IDE: variants seen among roughly 807,000 people sequenced by gnomAD.
IDE encodes the protein insulin degrading enzyme.
A neutral mutation model predicts 133.2 loss-of-function variants in IDE; 58 were observed. That is an observed-to-expected ratio of 0.44 (90% CI 0.35 to 0.54). The LOEUF is 0.54. Among genes scored for constraint, IDE ranks in the 20% least tolerant of loss-of-function variants. The pLI is 0.00. For missense variants in IDE, 981 were observed against 1,234.0 expected, an observed-to-expected ratio of 0.79 and a Z score of 3.07; for synonymous variants, 396 against 421.3, an observed-to-expected ratio of 0.94 and a Z score of 0.73.
intron 18 of IDE, 67 bp from the exon 19 acceptor site, chr10:92,469,057 G>T: frequency 1.1e-6 from 1 of 884,554 alleles, no homozygotes; most frequent in Non-Finnish European, 1.9e-6. Context: ...GAAATAAACT[G>T]GCTTTGTTTA....
chr10:92,573,511 G>T (rs1355661926), intron 1 of IDE, among the ~76,000 whole-genome samples: 1 of 152,230 alleles, frequency 6.6e-6, no homozygotes, highest in Non-Finnish European at 1.5e-5. Context: ...GAAGTCGCCG[G>T]ATTCCTTTAC....
At chr10:92,465,897 T>C in intron 19 of IDE, 54 bp from the exon 20 acceptor site, 2 of 1,466,164 alleles carry the variant, frequency 1.4e-6, no homozygotes, top group East Asian at 4.5e-5. Context: ...TGGGGTTTAA[T>C]AAAGTCAATG....
At chr10:92,525,895 A>C (rs1453929243) in intron 4 of IDE, among the ~76,000 whole-genome samples, 5 of 151,994 alleles carry the variant, frequency 3.3e-5, no homozygotes, top group African/African-American at 1.2e-4. Flanking sequence ...AGTGGCTCAC[A>C]CCTCTAATCC....
chr10:92,455,480 C>A, intron 24 of IDE, 96 bp downstream of exon 24: 1 of 807,176 alleles, frequency 1.2e-6, no homozygotes, highest in South Asian at 1.5e-5. Context: ...GACTCCATTT[C>A]AAAAACAAAA....
chr10:92,508,240 G>T, intron 7 of IDE, 35 bp from the exon 8 acceptor site: 7 of 1,467,512 alleles, frequency 4.8e-6, no homozygotes, highest in East Asian at 2.3e-5. Flanking sequence ...ACGATTGATT[G>T]CATATGTGGC....
At chr10:92,556,266 G>C (rs1564677382) in intron 1 of IDE, among the ~76,000 whole-genome samples, 3 of 148,100 alleles carry the variant, frequency 2.0e-5, no homozygotes. Flanking sequence ...AATATCAATT[G>C]TATTTCCATA....
At chr10:92,535,062 G>A (rs564244276) in intron 2 of IDE, among the ~76,000 whole-genome samples, 8 of 152,226 alleles carry the variant, frequency 5.3e-5, no homozygotes, top group Non-Finnish European at 1.0e-4. Flanking sequence ...GGAAGAAAGA[G>A]CTGGATTCAC....
chr10:92,555,089 A>G (rs556015139), intron 1 of IDE, among the ~76,000 whole-genome samples: 1 of 152,190 alleles, frequency 6.6e-6, no homozygotes, highest in African/African-American at 2.4e-5. Context: ...TCAGCAGTGA[A>G]AAGCTGAAAG....
chr10:92,461,854 C>T (rs7093437), intron 21 of IDE, among the ~76,000 whole-genome samples: 20,644 of 151,628 alleles, frequency 0.14, 1,833 homozygotes, highest in African/African-American at 0.24. Context: ...TTTTTATATT[C>T]TTAGTAGATA....
In IDE at chr10:92,470,284, T is replaced by C. The variant is rs1271957084; in HGVS notation, c.2178A>G (p.Glu726=). ...IPQLLSRLHI[E]ALLHGNITKQ... is the part of the protein sequence containing the mutation. ...TTGTTATGTTTCCATGGAGAAGGGC[T>C]TCAATGTGCAGCCGTGACAGGAGCT... The change falls in exon 18 of 25, where the codon GAA becomes GAG. Residue 726 remains glutamate (E), a synonymous_variant. Transcript: ENST00000265986. 1 of 1,605,700 alleles carries C rather than the reference T, an allele frequency of 6.2e-7. No homozygotes were observed. Among genetic ancestry groups the C allele is most frequent in the Non-Finnish European group, 8.5e-7 (1 of 1,175,636 alleles).
chr10:92,491,852 C>T (rs1301358347), intron 11 of IDE, among the ~76,000 whole-genome samples: 3 of 151,358 alleles, frequency 2.0e-5, no homozygotes, highest in Non-Finnish European at 2.9e-5. Flanking sequence ...CTCAGGTGAT[C>T]CGCCTGCCTC....
At chr10:92,556,070 G>A (rs1036651695) in intron 1 of IDE, among the ~76,000 whole-genome samples, 3 of 150,716 alleles carry the variant, frequency 2.0e-5, no homozygotes, top group Non-Finnish European at 4.4e-5. Context: ...CTACTCGGGA[G>A]GCTGAGGCAG....
At chr10:92,535,203 A>G (rs1478095365) in intron 2 of IDE, among the ~76,000 whole-genome samples, 1 of 152,132 alleles carries the variant, frequency 6.6e-6, no homozygotes, top group Non-Finnish European at 1.5e-5. Context: ...TCCTGGGTTC[A>G]CGCCATTCTC....
At chr10:92,573,046 G>C (rs1354282275) in intron 1 of IDE, 27 of 985,246 alleles carry the variant, frequency 2.7e-5, no homozygotes, top group Non-Finnish European at 3.1e-5. Flanking sequence ...GGCTATTACT[G>C]ATTAAAACCA....
intron 11 of IDE, among the ~76,000 whole-genome samples, chr10:92,492,138 T>C (rs1769671047): frequency 6.6e-6 from 1 of 151,572 alleles, no homozygotes; most frequent in Non-Finnish European, 1.5e-5. Flanking sequence ...CGGGTGCCTA[T>C]AGTACCAGCT....
At chr10:92,493,083 A>T (rs1421816172) in intron 11 of IDE, among the ~76,000 whole-genome samples, 1 of 152,252 alleles carries the variant, frequency 6.6e-6, no homozygotes, top group Non-Finnish European at 1.5e-5. Flanking sequence ...GATTTGACAG[A>T]TAAAAGAGTT....
rs984149220 is a variant in IDE, at chr10:92,452,050, T to C, written c.*2394A>G. On this transcript the variant is annotated 3_prime_UTR_variant, in exon 25 of 25. Transcript: ENST00000265986. ...GTGATCTATTCTTAAGGTTGTGAAA[T>C]TGAGTCTTCTATTTGACAAAAATCA... The C allele has an allele frequency of 6.6e-6, 1 of 152,190 alleles. No homozygotes were observed. The highest frequency in any genetic ancestry group is 2.4e-5 in the African/African-American group (1 of 41,458). 9.4% of individuals were successfully genotyped at this position (152,190 alleles called of 1,614,324 possible). A position where few individuals can be genotyped will look rare whatever the true frequency, so the allele number is the denominator to read the frequency against.
At chr10:92,488,932 T>TTA (rs374260654) in intron 12 of IDE, among the ~76,000 whole-genome samples, 17 of 78,988 alleles carry the variant, frequency 2.2e-4, no homozygotes, top group African/African-American at 5.6e-4. Context: ...TTTCATTATT[T>TTA]AAAAAAAAAA....
intron 1 of IDE, among the ~76,000 whole-genome samples, chr10:92,555,444 C>T (rs1842961110): frequency 6.6e-6 from 1 of 150,842 alleles, no homozygotes; most frequent in African/African-American, 2.4e-5. Flanking sequence ...TTGCGGTGAG[C>T]CGTGATAGTG....
Sources: gnomAD v4.1 joint callset for allele counts (sites outside exome capture counted in the v4.1 genomes callset) on GRCh38, gnomAD v4.1.1 for gene constraint, MANE v1.5 for transcripts, NCBI Gene and HGNC (gene_info 2026-07-23, HGNC 2026-07-21) for gene names.